MAFF: variants seen among roughly 807,000 people sequenced by gnomAD.
MAFF encodes the protein MAF bZIP transcription factor F.
Under a neutral mutation model 2.7 loss-of-function variants are expected in MAFF, and 4 were observed. The observed-to-expected ratio is 1.48, with a 90% CI of 0.73 to 3.39. The LOEUF is 3.39. Among genes scored for constraint, MAFF ranks in the 30% most tolerant of loss-of-function variants. The pLI is 0.01. For synonymous variants in MAFF, 113 were observed against 119.4 expected (o/e 0.95, Z 0.35); for missense variants, 190 against 246.6 (o/e 0.77, Z 1.54).
rs775818328 is a variant in MAFF at position 38,213,836 on chromosome 22, A to T, written c.-18A>T. 2.8e-5 allele frequency: 45 copies of T among 1,613,798 alleles called. No homozygotes were observed. The Middle Eastern group carries it at 6.6e-4, about 24-fold the overall frequency. Reference sequence around the variant, plus strand: ...TTTCTACCCTAGGTCTGCAGCCCAGAGGGCACCTTCTGCAAACATGTCTGT... The same window carrying T: ...TTTCTACCCTAGGTCTGCAGCCCAGTGGGCACCTTCTGCAAACATGTCTGT... On this transcript the variant is annotated 5_prime_UTR_variant, in exon 2 of 3. Transcript: ENST00000338483.
At chr22:38,211,186 C>A (rs1251930345) in intron 1 of MAFF, among the ~76,000 whole-genome samples, 3 of 151,216 alleles carry the variant, frequency 2.0e-5, no homozygotes, top group African/African-American at 7.3e-5. Flanking sequence ...CAAAAGGAAG[C>A]CAAGTAGGGC....
chr22:38,212,773 G>T (rs2091110576), intron 1 of MAFF, among the ~76,000 whole-genome samples: 1 of 152,174 alleles, frequency 6.6e-6, no homozygotes, highest in Non-Finnish European at 1.5e-5. Flanking sequence ...GGCTGATGTT[G>T]TATCTTACGG....
intron 1 of MAFF, chr22:38,203,340 A>C (rs1457080769): frequency 6.6e-6 from 1 of 152,328 alleles, no homozygotes; most frequent in Non-Finnish European, 1.5e-5. Flanking sequence ...TGGTAGTTTC[A>C]GTTCACAAGT....
intron 1 of MAFF, among the ~76,000 whole-genome samples, chr22:38,209,782 C>A (rs1349892995): frequency 7.0e-6 from 1 of 142,238 alleles, no homozygotes; most frequent in Non-Finnish European, 1.5e-5. Flanking sequence ...TCACTGCACT[C>A]CAGCCTGGGC....
chr22:38,211,666 G>C (rs1319419980), intron 1 of MAFF, among the ~76,000 whole-genome samples: 1 of 152,220 alleles, frequency 6.6e-6, no homozygotes, highest in African/African-American at 2.4e-5. Flanking sequence ...GGGAAAGTGA[G>C]GCACAGAAAG....
intron 1 of MAFF, among the ~76,000 whole-genome samples, chr22:38,213,197 A>G (rs923407353): frequency 6.8e-6 from 1 of 148,132 alleles, no homozygotes; most frequent in Admixed American, 6.8e-5. Context: ...AAAAAAAAAA[A>G]AAAAGAAAGA....
At chr22:38,209,146 T>C (rs747615812) in intron 1 of MAFF, among the ~76,000 whole-genome samples, 133 of 151,988 alleles carry the variant, frequency 8.8e-4, no homozygotes, top group Non-Finnish European at 1.7e-3. Flanking sequence ...GCTCACTGCA[T>C]GCTTCACCTC....
rs781703810 is a variant in MAFF, at chr22:38,214,606, C to T, written c.223C>T (p.Gln75Ter). 3.2e-6 allele frequency: 5 copies of T among 1,581,358 alleles called. No homozygotes were observed. ...CAGCTGCCGCGTGAAGCGCGTGTGC[C>T]AGAAGGAGGAGCTGCAGAAGCAGAA... Reference protein sequence around the residue: ...AASCRVKRVCQKEELQKQKSE... With the variant: ...AASCRVKRVC Residue 75 changes from glutamine to a stop codon, truncating the protein, a stop_gained, in exon 3 of 3, where the codon CAG becomes TAG. Coordinates refer to ENST00000338483, the MANE Select transcript of MAFF (RefSeq NM_012323.4). LOFTEE classifies it low-confidence loss of function (END_TRUNC). This position sits in a 1 kb window ranked among gnomAD's most constrained non-coding sequence, Gnocchi z 6.3.
At chr22:38,208,505 A>G (rs1213937700) in intron 1 of MAFF, among the ~76,000 whole-genome samples, 2 of 152,172 alleles carry the variant, frequency 1.3e-5, no homozygotes, top group Non-Finnish European at 1.5e-5. Flanking sequence ...GAGGAGGAAG[A>G]ATTAGAGACA....
At chr22:38,205,588 A>G (rs922021297) in intron 1 of MAFF, 2 of 152,164 alleles carry the variant, frequency 1.3e-5, no homozygotes, top group East Asian at 1.9e-4. Flanking sequence ...GTCCCTCAAG[A>G]GTCACCTCTC....
chr22:38,214,739 G>A lies in MAFF; in HGVS notation c.356G>A (p.Arg119His). The change falls in exon 3 of 3, where the codon CGC (arginine) becomes CAC (histidine). Residue 119 changes from arginine to histidine, a missense_variant. Arg to His is a conservative substitution (Grantham distance 29). This residue lies in a region of MAFF where 103 missense variants were observed against 103.0 expected (regional missense o/e 1.00). Transcript: ENST00000338483. The surrounding 1 kb of genome is among the most constrained non-coding windows in gnomAD (Gnocchi z 6.3). ...GKCEALQGFA[R>H]SVAAARGPAT... The stretch of plus-strand genomic sequence containing the variant: ...TGCGAGGCGCTGCAGGGCTTCGCGC[G>A]CTCCGTGGCCGCCGCCCGCGGGCCC... 1 of 1,414,396 alleles carries A rather than the reference G, an allele frequency of 7.1e-7. No individual in the cohort carries two copies. Among genetic ancestry groups the A allele is most frequent in the Non-Finnish European group, 9.1e-7 (1 of 1,094,114 alleles). The allele number at this position is 1,414,396 out of a possible 1,614,324, so 87.6% of individuals were successfully genotyped here.
chr22:38,209,696 C>T (rs2091082395), intron 1 of MAFF, among the ~76,000 whole-genome samples: 1 of 151,572 alleles, frequency 6.6e-6, no homozygotes, highest in South Asian at 2.1e-4. Flanking sequence ...GCCTGTAGTC[C>T]CAGCTATTCA....
intron 1 of MAFF, among the ~76,000 whole-genome samples, chr22:38,211,124 G>A (rs2091096608): frequency 6.6e-6 from 1 of 152,108 alleles, no homozygotes; most frequent in East Asian, 1.9e-4. Flanking sequence ...GCCCTGGAGA[G>A]GAGCGTGCAT....
Position 38,206,189 on chromosome 22 carries a change from G to A in MAFF, c.-32+3977G>A, listed in dbSNP as rs189662053. ...GTTGAGGATTCTAGGCTGTGTCCAA[G>A]CTCAGGAGAAAACAGTTCTGTGCTG... On this transcript the variant is annotated intron_variant, in intron 1 of 2. Coordinates refer to ENST00000338483, the MANE Select transcript of MAFF (RefSeq NM_012323.4). Among the ~76,000 whole-genome samples, 957 of 152,304 alleles carry A rather than the reference G, an allele frequency of 6.3e-3. 46 individuals are homozygous for A. Among genetic ancestry groups the A allele is most frequent in the Admixed American group, 0.057 (870 of 15,290 alleles).
Position 38,214,916 on chromosome 22 carries a change from C to A in MAFF, c.*38C>A. The A allele has an allele frequency of 6.9e-7, 1 of 1,441,500 alleles. No individual in the cohort carries two copies. Among genetic ancestry groups the A allele is most frequent in the Non-Finnish European group, 9.5e-7 (1 of 1,057,256 alleles). 89.3% of individuals were successfully genotyped at this position (1,441,500 alleles called of 1,614,324 possible). ...CCATGCCTCAGCCACGCCCCTCCGG[C>A]CTCAGCTCCCTCCCCAAAGTGCCTG... On this transcript the variant is annotated 3_prime_UTR_variant, in exon 3 of 3. Coordinates refer to ENST00000338483, the MANE Select transcript of MAFF (RefSeq NM_012323.4). This position sits in a 1 kb window ranked among gnomAD's most constrained non-coding sequence, Gnocchi z 6.3.
Position 38,215,704 on chromosome 22 carries a change from A to G in MAFF, c.*826A>G, listed in dbSNP as rs181134252. On this transcript the variant is annotated 3_prime_UTR_variant, in exon 3 of 3. Transcript: ENST00000338483. Reference sequence around the variant, plus strand: ...GTCCGGGGGCTGGCCAGTCAGAGAAAGGGGGCCATGGACTGCTGTGGCAAA... The same window carrying G: ...GTCCGGGGGCTGGCCAGTCAGAGAAGGGGGGCCATGGACTGCTGTGGCAAA... 1,720 of 167,606 alleles carry G rather than the reference A, an allele frequency of 0.01. 10 individuals carry two copies. Among genetic ancestry groups the G allele is most frequent in the Middle Eastern group, 0.02 (6 of 302 alleles). 10.4% of individuals were successfully genotyped at this position (167,606 alleles called of 1,614,324 possible).
chr22:38,209,693 G>A (rs548741463), intron 1 of MAFF, among the ~76,000 whole-genome samples: 1 of 151,616 alleles, frequency 6.6e-6, no homozygotes, highest in East Asian at 2.0e-4. Flanking sequence ...GGCGCCTGTA[G>A]TCCCAGCTAT....
intron 1 of MAFF, among the ~76,000 whole-genome samples, chr22:38,212,087 C>T (rs141080246): frequency 7.9e-4 from 120 of 152,256 alleles, no homozygotes; most frequent in African/African-American, 2.8e-3. Flanking sequence ...GTAACCTCCA[C>T]CTCCCAGGTT....
chr22:38,214,890 G>T lies in MAFF; in HGVS notation c.*12G>T. 6.8e-7 allele frequency: 1 copy of T among 1,462,704 alleles called. No homozygotes were observed. The highest frequency in any genetic ancestry group is 1.3e-5 in the South Asian group (1 of 77,696). The allele number at this position is 1,462,704 out of a possible 1,614,324, so 90.6% of individuals were successfully genotyped here. A position where few individuals can be genotyped will look rare whatever the true frequency, so the allele number is the denominator to read the frequency against. On this transcript the variant is annotated 3_prime_UTR_variant, in exon 3 of 3. Coordinates refer to ENST00000338483, the MANE Select transcript of MAFF (RefSeq NM_012323.4). This position sits in a 1 kb window ranked among gnomAD's most constrained non-coding sequence, Gnocchi z 6.3. Reference sequence around the variant, plus strand: ...CCTCCTGCTCCTAGTGCCCGCCCCCGCCATGCCTCAGCCACGCCCCTCCGG... The same window carrying T: ...CCTCCTGCTCCTAGTGCCCGCCCCCTCCATGCCTCAGCCACGCCCCTCCGG...
Sources: allele counts gnomAD v4.1 joint callset (sites outside exome capture counted in the v4.1 genomes callset), GRCh38; gene constraint gnomAD v4.1.1; regional missense constraint gnomAD v4.1.1; non-coding constraint Gnocchi (gnomAD v3.1); transcripts MANE v1.5; gene names NCBI Gene and HGNC (gene_info 2026-07-23, HGNC 2026-07-21).